INTS4: variants seen among roughly 807,000 people sequenced by gnomAD.
INTS4 encodes the protein integrator complex subunit 4, also known as MSTP093.
A neutral mutation model predicts 119.5 loss-of-function variants in INTS4; 70 were observed. The observed-to-expected ratio is 0.59, with a 90% CI of 0.48 to 0.71. The LOEUF is 0.71. Ranked by LOEUF, INTS4 falls within the 30% of genes least tolerant of loss-of-function variation. The pLI, the probability that INTS4 is intolerant of heterozygous loss-of-function variation, is 0.00. For missense variants in INTS4, 867 were observed against 1,173.2 expected (o/e 0.74, Z 3.81); for synonymous variants, 316 against 419.6 (o/e 0.75, Z 3.02).
At chr11:77,884,081 T>TG in intron 21 of INTS4, 129 bp from the exon 22 acceptor site, 1 of 886,912 alleles carries the variant, frequency 1.1e-6, no homozygotes, top group South Asian at 1.6e-5. Flanking sequence ...GATTGAGCCT[T>TG]GGGGGTAGGT....
At position 77,958,448 on chromosome 11, in the gene INTS4, T is replaced by C. The variant is rs1406892292; in HGVS notation, c.797+298A>G. ...AATGGGTCCCAAACAATTTTAAAGATTTTTTTGTAAAGTACTGAAAACCAT... is the reference window on the plus strand; with the variant it reads ...AATGGGTCCCAAACAATTTTAAAGACTTTTTTGTAAAGTACTGAAAACCAT... On this transcript the variant is annotated intron_variant, in intron 7 of 22. Coordinates refer to ENST00000534064, the MANE Select transcript of INTS4 (RefSeq NM_033547.4). 4.1e-4 allele frequency among the ~76,000 whole-genome samples: 63 copies of C among 152,168 alleles called. 1 individual carries two copies. The highest frequency in any genetic ancestry group is 1.2e-4 in the Non-Finnish European group (8 of 68,030).
chr11:77,897,664 C>CT (rs1952587256), intron 18 of INTS4, among the ~76,000 whole-genome samples: 1 of 130,224 alleles, frequency 7.7e-6, no homozygotes, highest in African/African-American at 3.1e-5. Flanking sequence ...CCACGCCCGG[C>CT]TAATTTTTTT....
At chr11:77,950,609 T>C (rs1374335705) in intron 8 of INTS4, among the ~76,000 whole-genome samples, 1 of 152,158 alleles carries the variant, frequency 6.6e-6, no homozygotes. Context: ...GACAAAGAAA[T>C]GATAAATGTA....
At chr11:77,972,490 C>T (rs1591128347) in intron 4 of INTS4, among the ~76,000 whole-genome samples, 1 of 151,922 alleles carries the variant, frequency 6.6e-6, no homozygotes, top group African/African-American at 2.4e-5. Context: ...GATCACAGCT[C>T]ACTGCAACCT....
intron 4 of INTS4, chr11:77,963,360 AAAAAAAAAAAAAAAC>A (rs1206148986): frequency 1.9e-4 from 73 of 387,114 alleles, no homozygotes; most frequent in African/African-American, 1.7e-3. Context: ...CTCAAAAAAA[AAAAAAAAAAAAAAAC>A]AAAAAAAACT....
At chr11:77,953,819 A>T (rs1324359618) in intron 8 of INTS4, among the ~76,000 whole-genome samples, 3 of 147,852 alleles carry the variant, frequency 2.0e-5, no homozygotes, top group Admixed American at 1.4e-4. Flanking sequence ...CCTGACCTCA[A>T]GTGATTTGCC....
At chr11:77,878,317 A>G (rs934525457), downstream of INTS4, among the ~76,000 whole-genome samples, 15 of 151,562 alleles carry the variant, frequency 9.9e-5, no homozygotes, top group Non-Finnish European at 1.3e-4. Context: ...AGCCAAGATC[A>G]CGCCACTGCA....
At chr11:77,956,975 C>T (rs1954343839) in intron 7 of INTS4, among the ~76,000 whole-genome samples, 1 of 152,034 alleles carries the variant, frequency 6.6e-6, no homozygotes, top group Admixed American at 6.6e-5. Context: ...ACTTCTGTCG[C>T]CCAGGCTGGA....
chr11:77,934,394 T>TAA (rs57661146), intron 10 of INTS4, among the ~76,000 whole-genome samples: 49,972 of 124,914 alleles, frequency 0.4, 9,725 homozygotes, highest in African/African-American at 0.45. Flanking sequence ...CAATAAATAC[T>TAA]AAAAAAAAAA....
chr11:77,892,815 C>A (rs549849697), intron 19 of INTS4, among the ~76,000 whole-genome samples: 1 of 152,296 alleles, frequency 6.6e-6, no homozygotes, highest in East Asian at 1.9e-4. Flanking sequence ...GAACTCCTGA[C>A]CTCGTGATCC....
intron 4 of INTS4, among the ~76,000 whole-genome samples, chr11:77,964,445 G>A (rs538989213): frequency 1.1e-4 from 16 of 151,930 alleles, no homozygotes; most frequent in Admixed American, 5.9e-4. Flanking sequence ...ATGGTCGCGG[G>A]CACCTGTAGT....
chr11:77,920,847 G>A (rs753033691), intron 14 of INTS4, among the ~76,000 whole-genome samples: 21 of 151,266 alleles, frequency 1.4e-4, no homozygotes, highest in Non-Finnish European at 2.7e-4. Context: ...GCAAGACTCC[G>A]TCTCAAAAAG....
chr11:77,916,653 T>C (rs1393567405), intron 15 of INTS4, among the ~76,000 whole-genome samples: 1 of 152,332 alleles, frequency 6.6e-6, no homozygotes, highest in South Asian at 2.1e-4. Context: ...GCTCTTCTAA[T>C]GTCTGCTGAA....
At chr11:77,968,887 T>C (rs61900190) in intron 4 of INTS4, among the ~76,000 whole-genome samples, 2,114 of 152,220 alleles carry the variant, frequency 0.014, 15 homozygotes, top group Non-Finnish European at 0.021. Flanking sequence ...AGCCAAAACG[T>C]GGAAAAAATG....
chr11:77,991,100 T>C lies in INTS4; in HGVS notation c.246+8A>G, dbSNP rs1202283750. The C allele has an allele frequency of 2.5e-6, 4 of 1,611,870 alleles. No homozygotes were observed. The African/African-American group carries it at 4.0e-5, about 16-fold the overall frequency. On this transcript the variant is annotated splice_region_variant and intron_variant, in intron 2 of 22. Transcript: ENST00000534064. The stretch of plus-strand genomic sequence containing the variant: ...TATACTCCCATCAGATCCTCAAGAT[T>C]TTCTTACCTTGTAATAATGTTCCAA...
At position 77,948,054 on chromosome 11, in the gene INTS4, G is replaced by T. The variant is rs1954090575; in HGVS notation, c.919-6803C>A. On this transcript the variant is annotated intron_variant, in intron 8 of 22. Coordinates refer to ENST00000534064, the MANE Select transcript of INTS4 (RefSeq NM_033547.4). ...AGTAGAAACGAGGTCTCACTATGTT[G>T]CCCAGGCTGGTCTCAAACTCATGAG... Among the ~76,000 whole-genome samples the T allele has an allele frequency of 2.6e-5, 4 of 152,032 alleles. No homozygotes were observed. In the South Asian group the frequency reaches 8.3e-4, roughly 32 times the overall value.
In INTS4 at chr11:77,951,374, CTGATCTT is replaced by C. The variant is rs532920042; in HGVS notation, c.918+4561_918+4567del. On this transcript the variant is annotated intron_variant, in intron 8 of 22. Coordinates refer to ENST00000534064, the MANE Select transcript of INTS4 (RefSeq NM_033547.4). ...AATAATGCCGCATATCTACAACCAT[CTGATCTT>C]TGACAAATCTGACAAAAACAAGAAA... 2.8e-3 allele frequency among the ~76,000 whole-genome samples: 432 copies of C among 152,290 alleles called. 1 individual carries two copies. Among genetic ancestry groups the C allele is most frequent in the Non-Finnish European group, 4.5e-3 (309 of 68,028 alleles).
At chr11:77,900,799 G>T in intron 18 of INTS4, 1 of 594,000 alleles carries the variant, frequency 1.7e-6, no homozygotes, top group Non-Finnish European at 3.0e-6. Context: ...CCAGTTATCT[G>T]AAAGTCTTAC....
intron 1 of INTS4, among the ~76,000 whole-genome samples, chr11:77,993,200 A>G (rs1011511709): frequency 6.6e-6 from 1 of 152,192 alleles, no homozygotes; most frequent in Admixed American, 6.5e-5. Context: ...GCCATCAAGG[A>G]CCTCCGACTG....
Sources: gnomAD v4.1 joint callset for allele counts (sites outside exome capture counted in the v4.1 genomes callset) on GRCh38, gnomAD v4.1.1 for gene constraint, MANE v1.5 for transcripts, NCBI Gene and HGNC (gene_info 2026-07-23, HGNC 2026-07-21) for gene names.